CMSS1: variants seen among roughly 807,000 people sequenced by gnomAD.
CMSS1 encodes the protein protein CMSS1.
CMSS1 carries 33 observed loss-of-function variants against 43.5 expected under a neutral mutation model. That is an observed-to-expected ratio of 0.76 (90% CI 0.57 to 1.01). CMSS1 has a LOEUF of 1.01. CMSS1 is among the 50% of genes least tolerant of loss of function. The pLI is 0.00. For missense variants in CMSS1, 313 were observed against 326.4 expected, an observed-to-expected ratio of 0.96 and a Z score of 0.32; for synonymous variants, 115 against 117.2, an observed-to-expected ratio of 0.98 and a Z score of 0.12.
intron 1 of CMSS1, among the ~76,000 whole-genome samples, chr3:99,919,226 C>G (rs1707048598): frequency 6.6e-6 from 1 of 151,822 alleles, no homozygotes; most frequent in African/African-American, 2.4e-5. Flanking sequence ...AATGTTCTGT[C>G]TTCATGAGCA....
chr3:99,946,891 G>A (rs1708024461), intron 1 of CMSS1, among the ~76,000 whole-genome samples: 1 of 152,070 alleles, frequency 6.6e-6, no homozygotes, highest in African/African-American at 2.4e-5. Context: ...TTGTTGCACA[G>A]GTGCTAACAG....
At chr3:99,821,863 T>C (rs1392567629) in intron 1 of CMSS1, among the ~76,000 whole-genome samples, 3 of 152,024 alleles carry the variant, frequency 2.0e-5, no homozygotes, top group Non-Finnish European at 4.4e-5. Flanking sequence ...CTGGCCAACA[T>C]GGAGAAAACC....
chr3:100,100,036 T>C (rs2066278016), intron 1 of CMSS1, among the ~76,000 whole-genome samples: 1 of 151,936 alleles, frequency 6.6e-6, no homozygotes, highest in South Asian at 2.1e-4. Flanking sequence ...TTAAAGAAAG[T>C]GCAATGATGA....
chr3:100,162,900 G>A (rs893730856), intron 4 of CMSS1, among the ~76,000 whole-genome samples: 2 of 152,122 alleles, frequency 1.3e-5, no homozygotes, highest in Admixed American at 1.3e-4. Context: ...ACTTGAATCT[G>A]GGAGGCCGAG....
chr3:100,042,909 A>G (rs1377803087), intron 1 of CMSS1, among the ~76,000 whole-genome samples: 2 of 152,366 alleles, frequency 1.3e-5, no homozygotes, highest in South Asian at 2.1e-4. Flanking sequence ...ACTAGGGCAA[A>G]TGTAACAAGT....
chr3:99,851,855 A>G (rs1443734290), intron 1 of CMSS1, among the ~76,000 whole-genome samples: 1 of 152,218 alleles, frequency 6.6e-6, no homozygotes, highest in African/African-American at 2.4e-5. Flanking sequence ...CTCATAGTGG[A>G]TAGCAATTAA....
At chr3:100,127,958 T>C (rs113851417) in intron 1 of CMSS1, among the ~76,000 whole-genome samples, 2,386 of 152,276 alleles carry the variant, frequency 0.016, 31 homozygotes, top group Admixed American at 0.023. Context: ...CACCCCAGCA[T>C]GACAGGAGAC....
intron 1 of CMSS1, among the ~76,000 whole-genome samples, chr3:100,029,112 G>C (rs957681122): frequency 2.0e-5 from 3 of 151,968 alleles, no homozygotes; most frequent in African/African-American, 7.3e-5. Flanking sequence ...GATTGCTTGA[G>C]CTCAGGAGTT....
At chr3:99,829,044 A>G (rs941296975) in intron 1 of CMSS1, among the ~76,000 whole-genome samples, 1 of 152,040 alleles carries the variant, frequency 6.6e-6, no homozygotes, top group African/African-American at 2.4e-5. Flanking sequence ...GTACAGTGGC[A>G]TTAGTGCAAT....
chr3:99,959,700 A>G (rs1349415956), intron 1 of CMSS1, among the ~76,000 whole-genome samples: 3 of 152,184 alleles, frequency 2.0e-5, no homozygotes, highest in African/African-American at 7.2e-5. Flanking sequence ...TTTCTAACAG[A>G]CTCCAATAAA....
At chr3:99,911,100 C>T (rs1050004853) in intron 1 of CMSS1, among the ~76,000 whole-genome samples, 4 of 151,928 alleles carry the variant, frequency 2.6e-5, no homozygotes, top group African/African-American at 9.7e-5. Context: ...GATTAGGTAG[C>T]GCATTACACA....
At chr3:99,889,601 A>T (rs1207049308) in intron 1 of CMSS1, among the ~76,000 whole-genome samples, 1 of 152,022 alleles carries the variant, frequency 6.6e-6, no homozygotes, top group African/African-American at 2.4e-5. Context: ...GTCTTATTTG[A>T]TAATTCCATT....
intron 1 of CMSS1, among the ~76,000 whole-genome samples, chr3:99,917,375 A>T (rs191723694): frequency 1.3e-5 from 2 of 152,320 alleles, no homozygotes; most frequent in Non-Finnish European, 2.9e-5. Context: ...GACCTCCCGT[A>T]ACACCAGGCA....
At chr3:100,148,053 A>G (rs2066869046) in intron 2 of CMSS1, among the ~76,000 whole-genome samples, 1 of 152,054 alleles carries the variant, frequency 6.6e-6, no homozygotes, top group Admixed American at 6.6e-5. Flanking sequence ...TTTTGCACCA[A>G]CCTAATAAAT....
At chr3:99,976,731 G>T (rs1222616403) in intron 1 of CMSS1, among the ~76,000 whole-genome samples, 1 of 151,904 alleles carries the variant, frequency 6.6e-6, no homozygotes, top group Admixed American at 6.6e-5. Context: ...TTATTTTATT[G>T]TTGTTACTTA....
intron 1 of CMSS1, among the ~76,000 whole-genome samples, chr3:100,004,401 T>C (rs1335291373): frequency 2.0e-5 from 3 of 152,200 alleles, no homozygotes; most frequent in Non-Finnish European, 4.4e-5. Flanking sequence ...AAATATTCTT[T>C]GTGTTCATAA....
chr3:99,857,309 G>A (rs1944013998), intron 1 of CMSS1, among the ~76,000 whole-genome samples: 1 of 152,200 alleles, frequency 6.6e-6, no homozygotes, highest in Non-Finnish European at 1.5e-5. Flanking sequence ...AGAGCCTCTA[G>A]AAAGAATCAA....
intron 1 of CMSS1, among the ~76,000 whole-genome samples, chr3:99,959,848 T>C (rs1559704199): frequency 6.6e-6 from 1 of 152,210 alleles, no homozygotes; most frequent in African/African-American, 2.4e-5. Context: ...ATTATGAGCA[T>C]GGTTCTTGAC....
At chr3:100,097,432 G>A (rs776073836) in intron 1 of CMSS1, among the ~76,000 whole-genome samples, 8 of 152,166 alleles carry the variant, frequency 5.3e-5, no homozygotes. Flanking sequence ...TCAGATTTTG[G>A]TATCTGAAGG....
Sources: allele counts gnomAD v4.1 joint callset (sites outside exome capture counted in the v4.1 genomes callset), GRCh38; gene constraint gnomAD v4.1.1; transcripts MANE v1.5; gene names NCBI Gene and HGNC (gene_info 2026-07-23, HGNC 2026-07-21).